Variants in CMTM4 observed in about 807,000 individuals in gnomAD.
CMTM4 encodes the protein CKLF like MARVEL transmembrane domain containing 4.
CMTM4 carries 8 observed loss-of-function variants against 19.0 expected under a neutral mutation model. The observed-to-expected ratio is 0.42, with a 90% CI of 0.25 to 0.76. The LOEUF is 0.76. CMTM4 is among the 30% of genes least tolerant of loss of function. The probability of loss-of-function intolerance (pLI) is 0.27; values close to 1 mark genes in which losing one functional copy is unlikely to be tolerated. For synonymous variants in CMTM4, 106 were observed against 121.1 expected (o/e 0.88, Z 0.82); for missense variants, 228 against 290.2 (o/e 0.79, Z 1.56).
At chr16:66,656,742 C>T (rs1028647595) in intron 1 of CMTM4, among the ~76,000 whole-genome samples, 4 of 151,890 alleles carry the variant, frequency 2.6e-5, no homozygotes, top group Admixed American at 6.6e-5. Context: ...GTCAAATCTA[C>T]ATCATCTGCC....
chr16:66,613,070 G>A (rs1053986203), downstream of CMTM4: 99 of 703,028 alleles, frequency 1.4e-4, 1 homozygote, highest in Admixed American at 1.9e-3. Context: ...AGGCCCCGGT[G>A]GGTTTGTCTG....
Position 66,620,577 on chromosome 16 carries a change from C to T in CMTM4, c.*1481G>A, listed in dbSNP as rs2015612672. The T allele has an allele frequency of 4.1e-6, 4 of 985,454 alleles. No individual in the cohort carries two copies. Among genetic ancestry groups the T allele is most frequent in the Non-Finnish European group, 4.8e-6 (4 of 829,966 alleles). The allele number at this position is 985,454 out of a possible 1,614,324, so 61.0% of individuals were successfully genotyped here. Reference sequence around the variant, plus strand: ...ATAAGGTGACGCTTTCTTGCACAGACCCCCCGCCGCCCCCTCGGAGTTATT... The same window carrying T: ...ATAAGGTGACGCTTTCTTGCACAGATCCCCCGCCGCCCCCTCGGAGTTATT... On this transcript the variant is annotated 3_prime_UTR_variant, in exon 4 of 4. Coordinates refer to ENST00000394106, the MANE Select transcript of CMTM4 (RefSeq NM_181521.3).
chr16:66,637,303 G>C (rs1329507247), intron 1 of CMTM4, among the ~76,000 whole-genome samples: 2 of 152,132 alleles, frequency 1.3e-5, no homozygotes, highest in African/African-American at 2.4e-5. Flanking sequence ...CCAGTACTTT[G>C]GGAGGCCAAG....
chr16:66,683,149 A>ATATATATACATG lies in CMTM4; in HGVS notation c.186+13190_186+13191insCATGTATATATA, dbSNP rs1567432063. ...TGTGTGTATATATATATATATATGT[A>ATATATATACATG]TATATATATACGTATATATATATAT... On this transcript the variant is annotated intron_variant, in intron 1 of 3. Coordinates refer to ENST00000394106, the MANE Select transcript of CMTM4 (RefSeq NM_181521.3). Among the ~76,000 whole-genome samples the ATATATATACATG allele has an allele frequency of 1.0e-3, 133 of 127,114 alleles. 1 individual carries two copies. The highest frequency in any genetic ancestry group is 4.0e-3 in the Middle Eastern group (1 of 248). 83.4% of individuals were successfully genotyped at this position (127,114 alleles called of 152,430 possible).
chr16:66,630,600 G>T (rs1315828749), intron 2 of CMTM4, among the ~76,000 whole-genome samples: 3 of 151,736 alleles, frequency 2.0e-5, no homozygotes, highest in South Asian at 4.2e-4. Context: ...TCGGCCTCCC[G>T]AGGTGCCGGG....
chr16:66,648,595 C>A (rs1483381354), intron 1 of CMTM4, among the ~76,000 whole-genome samples: 1 of 151,508 alleles, frequency 6.6e-6, no homozygotes, highest in Non-Finnish European at 1.5e-5. Context: ...GAGGCGGAGG[C>A]TGCAGTGAGC....
At chr16:66,689,883 T>A (rs1596967611) in intron 1 of CMTM4, among the ~76,000 whole-genome samples, 1 of 152,220 alleles carries the variant, frequency 6.6e-6, no homozygotes, top group East Asian at 1.9e-4. Context: ...TGTGTTCATA[T>A]AAGGAATATT....
intron 1 of CMTM4, among the ~76,000 whole-genome samples, chr16:66,688,444 C>T (rs1247959272): frequency 6.6e-6 from 1 of 151,948 alleles, no homozygotes; most frequent in Non-Finnish European, 1.5e-5. Flanking sequence ...CTGCTTGTGG[C>T]CTGAGTGAAC....
chr16:66,650,335 T>C (rs2016288134), intron 1 of CMTM4, among the ~76,000 whole-genome samples: 3 of 152,254 alleles, frequency 2.0e-5, no homozygotes, highest in South Asian at 2.1e-4. Context: ...CACCTGTTAA[T>C]AGCCTTCTCC....
chr16:66,600,112 TTGTG>T, the CMTM4 span, among the ~76,000 whole-genome samples: 10 of 146,500 alleles, frequency 6.8e-5, no homozygotes, highest in Non-Finnish European at 6.0e-5. Context: ...AGCCATCCTT[TTGTG>T]TGTGTGTGTG....
rs1491498902 is a variant in CMTM4 at position 66,683,180 on chromosome 16, T to TATATATATAC, written c.186+13159_186+13160insGTATATATAT. Reference sequence around the variant, plus strand: ...ATATACGTATATATATATATACATATGTATATATATATACATATATATATA... The same window carrying TATATATATAC: ...ATATACGTATATATATATATACATATATATATATACGTATATATATATACATATATATATA... On this transcript the variant is annotated intron_variant, in intron 1 of 3. Transcript: ENST00000394106. Among the ~76,000 whole-genome samples, 744 of 85,572 alleles carry TATATATATAC rather than the reference T, an allele frequency of 8.7e-3. 14 individuals carry two copies. Among genetic ancestry groups the TATATATATAC allele is most frequent in the African/African-American group, 0.028 (702 of 25,470 alleles). 56.1% of individuals were successfully genotyped at this position (85,572 alleles called of 152,430 possible).
intron 2 of CMTM4, among the ~76,000 whole-genome samples, chr16:66,630,723 C>G (rs1008435685): frequency 2.0e-5 from 3 of 152,182 alleles, no homozygotes; most frequent in African/African-American, 7.2e-5. Flanking sequence ...CTTGGCCTCC[C>G]AAAGTGCTGA....
chr16:66,694,329 A>C (rs1456432612), intron 1 of CMTM4, among the ~76,000 whole-genome samples: 1 of 152,142 alleles, frequency 6.6e-6, no homozygotes, highest in African/African-American at 2.4e-5. Context: ...TATTTGACCA[A>C]GCCCTGCTCT....
chr16:66,609,359 G>C, the CMTM4 span: 2 of 1,333,358 alleles, frequency 1.5e-6, no homozygotes, highest in South Asian at 1.2e-5. This position sits in a 1 kb window ranked among gnomAD's most constrained non-coding sequence, Gnocchi z 4.4. Flanking sequence ...CTGGGAACAC[G>C]ACCAGGCTGC....
intron 1 of CMTM4, among the ~76,000 whole-genome samples, chr16:66,695,141 G>T (rs2017207657): frequency 6.6e-6 from 1 of 152,214 alleles, no homozygotes; most frequent in Non-Finnish European, 1.5e-5. Flanking sequence ...GAGCCCAGTA[G>T]TTGGAGACCA....
At position 66,636,516 on chromosome 16, in the gene CMTM4, G is replaced by A; in HGVS notation, c.252C>T (p.Leu84=). ...TIMACSPCEG[L]YFFEFVSCSA... is the part of the protein sequence containing the mutation. Reference sequence around the variant, plus strand: ...TGCAGCTCACAAACTCAAAAAAGTAGAGGCCTTCACACGGGGAGCATGCCA... The same window carrying A: ...TGCAGCTCACAAACTCAAAAAAGTAAAGGCCTTCACACGGGGAGCATGCCA... Residue 84 remains leucine, a synonymous_variant, in exon 2 of 4, where the codon CTC becomes CTT. Transcript: ENST00000394106. 6.2e-7 allele frequency: 1 copy of A among 1,614,180 alleles called. No individual in the cohort carries two copies. Among genetic ancestry groups the A allele is most frequent in the Non-Finnish European group, 8.5e-7 (1 of 1,180,008 alleles).
At chr16:66,612,851 A>G (rs1050118840), downstream of CMTM4, 9 of 610,298 alleles carry the variant, frequency 1.5e-5, no homozygotes, top group African/African-American at 1.7e-4. This position sits in a 1 kb window ranked among gnomAD's most constrained non-coding sequence, Gnocchi z 6.0. Flanking sequence ...GTATGAGGGC[A>G]TCTTGGGTAT....
chr16:66,686,774 T>C (rs2017041412), intron 1 of CMTM4, among the ~76,000 whole-genome samples: 1 of 151,964 alleles, frequency 6.6e-6, no homozygotes, highest in Non-Finnish European at 1.5e-5. Context: ...AGAAATGTGG[T>C]GGTCTTGTCC....
At chr16:66,673,328 C>T (rs1004165750) in intron 1 of CMTM4, among the ~76,000 whole-genome samples, 3 of 151,802 alleles carry the variant, frequency 2.0e-5, no homozygotes, top group African/African-American at 7.3e-5. Flanking sequence ...CCACCTCAGC[C>T]TCCCAAGTAG....
Sources: allele counts gnomAD v4.1 joint callset (sites outside exome capture counted in the v4.1 genomes callset), GRCh38; gene constraint gnomAD v4.1.1; non-coding constraint Gnocchi (gnomAD v3.1); transcripts MANE v1.5; gene names NCBI Gene and HGNC (gene_info 2026-07-23, HGNC 2026-07-21).